UTRN: variants seen among roughly 807,000 people sequenced by gnomAD.
UTRN encodes the protein dystrophin-related protein 1.
In UTRN, 283 loss-of-function variants were observed where a neutral mutation model predicts 463.9. The observed-to-expected ratio is 0.61, with a 90% CI of 0.55 to 0.67. The LOEUF (loss-of-function observed/expected upper bound fraction) is 0.67, where lower values mean the gene tolerates loss of function less well. Among genes scored for constraint, UTRN ranks in the 30% least tolerant of loss-of-function variants. UTRN has a pLI of 0.00. For synonymous variants in UTRN, 1,442 were observed against 1,431.5 expected, an observed-to-expected ratio of 1.01 and a Z score of -0.17; for missense variants, 3,922 against 4,084.3, an observed-to-expected ratio of 0.96 and a Z score of 1.08.
chr6:144,306,341 C>T (rs1478697616), intron 2 of UTRN, among the ~76,000 whole-genome samples: 3 of 151,980 alleles, frequency 2.0e-5, no homozygotes, highest in Admixed American at 6.6e-5. Flanking sequence ...CTTTGGGTGG[C>T]TGTCACAGTT....
intron 51 of UTRN, among the ~76,000 whole-genome samples, chr6:144,592,305 G>T (rs1325892983): frequency 1.3e-5 from 2 of 152,064 alleles, no homozygotes; most frequent in Non-Finnish European, 2.9e-5. Context: ...TATGTCCAGG[G>T]TACGTTATTA....
intron 1 of UTRN, among the ~76,000 whole-genome samples, chr6:144,287,829 G>C (rs1225132304): frequency 6.6e-6 from 1 of 152,182 alleles, no homozygotes; most frequent in Non-Finnish European, 1.5e-5. Context: ...ATCATTTGAG[G>C]GAAGGGAAAT....
chr6:144,344,166 A>C (rs1206165009), intron 2 of UTRN: 1 of 1,298,676 alleles, frequency 7.7e-7, no homozygotes, highest in Non-Finnish European at 1.0e-6. Context: ...TTTGTTGTCC[A>C]CTTCCTCCAC....
rs560581181 is a variant in UTRN at position 144,347,837 on chromosome 6, G to GTTTTTTTTTT, written c.80-55283_80-55274dup. Reference sequence around the variant, plus strand: ...TCTCCTGAACTGTGGCTTATTCTTTGTTTTTTTTTTTTGTTTTTTTTTTTG... The same window carrying GTTTTTTTTTT: ...TCTCCTGAACTGTGGCTTATTCTTTGTTTTTTTTTTTTTTTTTTTTTTGTTTTTTTTTTTG... On this transcript the variant is annotated intron_variant, in intron 2 of 74. Coordinates refer to ENST00000367545, the MANE Select transcript of UTRN (RefSeq NM_007124.3). Among the ~76,000 whole-genome samples the GTTTTTTTTTT allele has an allele frequency of 7.4e-4, 95 of 128,882 alleles. 9 individuals carry two copies. The highest frequency in any genetic ancestry group is 2.8e-3 in the African/African-American group (82 of 29,452). 84.6% of individuals were successfully genotyped at this position (128,882 alleles called of 152,430 possible).
In UTRN at chr6:144,491,973, C is replaced by T. The variant is rs548214858; in HGVS notation, c.4437+871C>T. On this transcript the variant is annotated intron_variant, in intron 32 of 74. Coordinates refer to ENST00000367545, the MANE Select transcript of UTRN (RefSeq NM_007124.3). Reference sequence around the variant, plus strand: ...AGGAAGAAGACAGCTCTGAATTTGACCTACAGAACTACGATTTCTTTTTTT... The same window carrying T: ...AGGAAGAAGACAGCTCTGAATTTGATCTACAGAACTACGATTTCTTTTTTT... Among the ~76,000 whole-genome samples the T allele has an allele frequency of 1.4e-3, 214 of 152,162 alleles. 2 individuals are homozygous for T. The highest frequency in any genetic ancestry group is 4.8e-3 in the African/African-American group (200 of 41,518).
At position 144,537,637 on chromosome 6, in the gene UTRN, A is replaced by G. The variant is rs1006283641; in HGVS notation, c.6289A>G (p.Ile2097Val). The G allele has an allele frequency of 2.5e-6, 4 of 1,612,990 alleles. No individual in the cohort carries two copies. The South Asian group carries it at 3.3e-5, about 13-fold the overall frequency. ...GTACAGGCATCAGCTAGATGAGATTATCTGTTGGTTAACAAAGGCTGAGCA... is the reference window on the plus strand; with the variant it reads ...GTACAGGCATCAGCTAGATGAGATTGTCTGTTGGTTAACAAAGGCTGAGCA... ...MKYRHQLDEI[I>V]CWLTKAEHAM... The change falls in exon 44 of 75, where the codon ATC (isoleucine) becomes GTC (valine). Residue 2097 changes from isoleucine to valine, a missense_variant. By Grantham distance (29) the Ile-to-Val change is conservative. Around this residue, in one of 3 missense-constraint regions of UTRN, gnomAD observed 2,349 missense variants for 2,303.8 expected, o/e 1.02. Transcript: ENST00000367545.
Position 144,551,097 on chromosome 6 carries a change from A to C in UTRN, c.6928+15A>C. On this transcript the variant is annotated intron_variant, in intron 48 of 74. Coordinates refer to ENST00000367545, the MANE Select transcript of UTRN (RefSeq NM_007124.3). ...TACAGAAAAATGTAAGTTTTTTAAA[A>C]AAAGTTATGTATTATCATCCACTTT... 1.3e-6 allele frequency: 2 copies of C among 1,580,088 alleles called. No homozygotes were observed. The highest frequency in any genetic ancestry group is 2.3e-5 in the South Asian group (2 of 86,752).
chr6:144,728,783 G>A (rs540415746), intron 53 of UTRN, among the ~76,000 whole-genome samples: 1 of 151,916 alleles, frequency 6.6e-6, no homozygotes, highest in African/African-American at 2.4e-5. Context: ...GGTTCACTTT[G>A]CTCGTTCATT....
At chr6:144,448,547 C>G (rs1399161009) in intron 16 of UTRN, 53 bp from the exon 17 acceptor site, 1 of 1,568,752 alleles carries the variant, frequency 6.4e-7, no homozygotes, top group Non-Finnish European at 8.7e-7. Context: ...ATGTGAATTA[C>G]ATCTCAATGA....
chr6:144,759,262 G>A lies in UTRN; in HGVS notation c.8495+1273G>A, dbSNP rs567697545. On this transcript the variant is annotated intron_variant, in intron 58 of 74. Coordinates refer to ENST00000367545, the MANE Select transcript of UTRN (RefSeq NM_007124.3). ...AAATTTGCCCAAGTAAGAATGGAAA[G>A]AGGTCAGACGCTGGTTAAGTTGGCA... 3.3e-5 allele frequency among the ~76,000 whole-genome samples: 5 copies of A among 152,212 alleles called. No individual in the cohort carries two copies. In the South Asian group the frequency reaches 6.2e-4, roughly 19 times the overall value.
In UTRN at chr6:144,426,430, C is replaced by A; in HGVS notation, c.549C>A (p.Leu183=). The change falls in exon 7 of 75, where the codon CTC becomes CTA. Residue 183 remains leucine (L), a synonymous_variant. Transcript: ENST00000367545. The part of the protein sequence containing the change: ...LNFTTSWTDG[L]AFNAVLHRHK... ...TCACCACCAGCTGGACAGATGGACT[C>A]GCCTTTAATGCTGTCCTCCACCGAC... is the stretch of plus-strand genomic sequence containing the variant. The A allele has an allele frequency of 6.2e-7, 1 of 1,614,048 alleles. No individual in the cohort carries two copies. The highest frequency in any genetic ancestry group is 8.5e-7 in the Non-Finnish European group (1 of 1,179,982).
intron 2 of UTRN, chr6:144,398,528 G>T: frequency 3.7e-6 from 1 of 268,962 alleles, no homozygotes; most frequent in Non-Finnish European, 7.4e-6. Context: ...AGGCTAGTCT[G>T]GATATCAGGA....
intron 73 of UTRN, among the ~76,000 whole-genome samples, chr6:144,845,995 T>G (rs1781978876): frequency 1.3e-5 from 2 of 152,064 alleles, no homozygotes; most frequent in African/African-American, 4.8e-5. Context: ...GGGACAACTT[T>G]TATTTGACCA....
At position 144,599,244 on chromosome 6, in the gene UTRN, G is replaced by A. The variant is rs1803980300; in HGVS notation, c.7479+21956G>A. Among the ~76,000 whole-genome samples, 7 of 152,258 alleles carry A rather than the reference G, an allele frequency of 4.6e-5. No individual in the cohort carries two copies. The South Asian group carries it at 1.5e-3, about 32-fold the overall frequency. ...AGTACAGGTGTATTTGGGGAAATGG[G>A]GTGGTTGGTTAGGGCTGGAAGAAAG... On this transcript the variant is annotated intron_variant, in intron 51 of 74. Transcript: ENST00000367545.
At chr6:144,294,300 G>T (rs964717205) in intron 2 of UTRN, among the ~76,000 whole-genome samples, 5 of 152,088 alleles carry the variant, frequency 3.3e-5, no homozygotes, top group Admixed American at 6.5e-5. Flanking sequence ...GATAAATTTG[G>T]ATTTGAATGG....
chr6:144,603,286 T>C (rs1288497539), intron 51 of UTRN, among the ~76,000 whole-genome samples: 3 of 152,216 alleles, frequency 2.0e-5, no homozygotes, highest in African/African-American at 7.2e-5. Flanking sequence ...TGATTGTGTT[T>C]TGTTAGGATA....
intron 65 of UTRN, among the ~76,000 whole-genome samples, chr6:144,808,357 T>C (rs1024178096): frequency 6.6e-6 from 1 of 152,146 alleles, no homozygotes; most frequent in African/African-American, 2.4e-5. Flanking sequence ...TTATATCTTA[T>C]ATTAAAGATG....
chr6:144,464,930 A>G (rs1033103299), intron 23 of UTRN, among the ~76,000 whole-genome samples: 2 of 152,174 alleles, frequency 1.3e-5, no homozygotes, highest in African/African-American at 2.4e-5. Flanking sequence ...TTGTATTATC[A>G]GTGATTCTCA....
intron 2 of UTRN, among the ~76,000 whole-genome samples, chr6:144,294,881 A>G (rs1175973301): frequency 1.3e-5 from 2 of 152,254 alleles, no homozygotes; most frequent in African/African-American, 2.4e-5. Flanking sequence ...AAGTAGTTTC[A>G]TAAATACAAA....
Sources: gnomAD v4.1 joint callset for allele counts (sites outside exome capture counted in the v4.1 genomes callset) on GRCh38, gnomAD v4.1.1 for gene constraint, gnomAD v4.1.1 regional missense constraint, MANE v1.5 for transcripts, NCBI Gene and HGNC (gene_info 2026-07-23, HGNC 2026-07-21) for gene names.